Variants in NFAT5 observed in about 807,000 individuals in gnomAD.
NFAT5 encodes the protein nuclear factor of activated T-cells 5.
NFAT5 carries 31 observed loss-of-function variants against 166.5 expected under a neutral mutation model. The observed-to-expected ratio is 0.19, with a 90% CI of 0.14 to 0.25. The LOEUF (loss-of-function observed/expected upper bound fraction) is 0.25. Among genes scored for constraint, NFAT5 ranks in the 10% least tolerant of loss-of-function variants. NFAT5 has a pLI of 1.00. For synonymous variants in NFAT5, 612 were observed against 639.7 expected (o/e 0.96, Z 0.65); for missense variants, 1,449 against 1,821.8 (o/e 0.80, Z 3.72).
chr16:69,615,168 A>G (rs562445447), intron 2 of NFAT5, among the ~76,000 whole-genome samples: 1 of 151,842 alleles, frequency 6.6e-6, no homozygotes, highest in Non-Finnish European at 1.5e-5. Flanking sequence ...CAGCCTCCCA[A>G]GTAGCTGGGA....
chr16:69,638,423 T>G (rs1000020501), intron 3 of NFAT5, among the ~76,000 whole-genome samples: 5 of 151,398 alleles, frequency 3.3e-5, no homozygotes, highest in Middle Eastern at 3.4e-3. Context: ...TATTATTGTT[T>G]AATCATATCT....
intron 14 of NFAT5, among the ~76,000 whole-genome samples, chr16:69,696,139 T>C (rs866513516): frequency 2.0e-5 from 3 of 152,372 alleles, no homozygotes; most frequent in South Asian, 2.1e-4. Flanking sequence ...CTGATGAGTA[T>C]GCAAAATGTG....
chr16:69,620,589 A>G (rs985078001), intron 2 of NFAT5, among the ~76,000 whole-genome samples: 5 of 152,200 alleles, frequency 3.3e-5, no homozygotes, highest in Non-Finnish European at 7.3e-5. Context: ...TGAAAAGGTA[A>G]CTGAGCATGT....
chr16:69,677,880 C>T (rs1336378851), intron 10 of NFAT5, among the ~76,000 whole-genome samples: 1 of 151,954 alleles, frequency 6.6e-6, no homozygotes, highest in Non-Finnish European at 1.5e-5. Context: ...AGGCTGGGTG[C>T]GGTGATGCAC....
intron 11 of NFAT5, among the ~76,000 whole-genome samples, chr16:69,688,059 G>A (rs930139102): frequency 5.3e-5 from 8 of 150,976 alleles, no homozygotes; most frequent in East Asian, 3.9e-4. Flanking sequence ...AGCCGGGCGC[G>A]GTGGCGGGCG....
At position 69,693,097 on chromosome 16, in the gene NFAT5, A is replaced by G. The variant is rs769996676; in HGVS notation, c.3272A>G (p.His1091Arg). Residue 1091 changes from histidine (H) to arginine (R), a missense_variant, in exon 13 of 15, where the codon CAT (histidine) becomes CGT (arginine). Physicochemically the swap from His to Arg is conservative, Grantham distance 29. This residue lies in a region of NFAT5 where 891 missense variants were observed against 993.0 expected (regional missense o/e 0.90). Coordinates refer to ENST00000349945, the MANE Select transcript of NFAT5 (RefSeq NM_138713.4). ...QSSHSQAQLF[H>R]PQNPIADAQN... ...TCTCATTCACAGGCCCAACTTTTTC[A>G]TCCTCAAAATCCTATTGCCGATGCT... The G allele has an allele frequency of 2.5e-6, 4 of 1,614,122 alleles. No individual in the cohort carries two copies. Among genetic ancestry groups the G allele is most frequent in the South Asian group, 1.1e-5 (1 of 91,082 alleles).
At chr16:69,567,117 C>T (rs1015109070) in intron 1 of NFAT5, among the ~76,000 whole-genome samples, 1 of 152,180 alleles carries the variant, frequency 6.6e-6, no homozygotes, top group African/African-American at 2.4e-5. Flanking sequence ...TGGTTTTATT[C>T]CTCTCCTCTC....
rs2033919581 is a variant in NFAT5, at chr16:69,615,867, T to TGG, written c.128-10536_128-10535insGG. ...CCTAATTACCCAACTTGGCCTCTCA[T>TGG]AGCTTGCCTCCTACATGGATGCTCT... On this transcript the variant is annotated intron_variant, in intron 2 of 14. Transcript: ENST00000349945. 1.4e-4 allele frequency among the ~76,000 whole-genome samples: 22 copies of TGG among 152,262 alleles called. No homozygotes were observed. The South Asian group carries it at 4.6e-3, about 32-fold the overall frequency.
Position 69,655,424 on chromosome 16 carries a change from GACTT to G in NFAT5, c.1006-180_1006-177del, listed in dbSNP as rs376045485. Among the ~76,000 whole-genome samples, 564 of 152,080 alleles carry G rather than the reference GACTT, an allele frequency of 3.7e-3. 1 individual carries two copies. Among genetic ancestry groups the G allele is most frequent in the African/African-American group, 0.013 (522 of 41,502 alleles). On this transcript the variant is annotated intron_variant, in intron 5 of 14. Coordinates refer to ENST00000349945, the MANE Select transcript of NFAT5 (RefSeq NM_138713.4). ...ATAGTTATTACAGAATTAAAACTAT[GACTT>G]ACTTCAGGAATTTAGCCAACTCTTT...
chr16:69,573,869 CTTT>C (rs774086026), intron 2 of NFAT5, among the ~76,000 whole-genome samples: 10 of 111,722 alleles, frequency 9.0e-5, no homozygotes, highest in African/African-American at 2.1e-4. Context: ...AAAACAGCCA[CTTT>C]TTTTTTTTTT....
At chr16:69,573,197 G>A (rs1228327489) in intron 2 of NFAT5, among the ~76,000 whole-genome samples, 3 of 152,014 alleles carry the variant, frequency 2.0e-5, no homozygotes, top group Non-Finnish European at 2.9e-5. Context: ...AAGAAAATGT[G>A]AAATATGACA....
intron 4 of NFAT5, among the ~76,000 whole-genome samples, chr16:69,650,052 A>G (rs2035602381): frequency 6.6e-6 from 1 of 151,982 alleles, no homozygotes; most frequent in African/African-American, 2.4e-5. Flanking sequence ...CAGTTGCCCC[A>G]TGTCTCTTCT....
intron 7 of NFAT5, among the ~76,000 whole-genome samples, chr16:69,662,356 G>T (rs1008758721): frequency 1.3e-5 from 2 of 151,938 alleles, no homozygotes; most frequent in Non-Finnish European, 2.9e-5. Context: ...GATTCTTTTG[G>T]GGGAAATAAA....
At chr16:69,612,629 TG>T (rs1345656843) in intron 2 of NFAT5, among the ~76,000 whole-genome samples, 1 of 152,028 alleles carries the variant, frequency 6.6e-6, no homozygotes, top group Non-Finnish European at 1.5e-5. Context: ...GAGGACCACT[TG>T]AGCCCAAGAA....
intron 2 of NFAT5, among the ~76,000 whole-genome samples, chr16:69,600,143 T>C (rs1783163864): frequency 7.1e-6 from 1 of 140,094 alleles, no homozygotes; most frequent in Non-Finnish European, 1.5e-5. Flanking sequence ...AGGATTCATT[T>C]CTCTGGGAAA....
At chr16:69,681,724 TG>T (rs2037065604) in intron 10 of NFAT5, among the ~76,000 whole-genome samples, 1 of 150,392 alleles carries the variant, frequency 6.6e-6, no homozygotes, top group African/African-American at 2.5e-5. Flanking sequence ...GAGACCATCC[TG>T]GCTAACACAG....
chr16:69,589,249 C>T (rs1400208202), intron 2 of NFAT5, among the ~76,000 whole-genome samples: 2 of 152,148 alleles, frequency 1.3e-5, no homozygotes, highest in East Asian at 3.8e-4. Context: ...CCACTGCAGC[C>T]TCCCAAAGTG....
At chr16:69,685,190 A>ATATTT (rs1383702612) in intron 11 of NFAT5, 1 of 114,084 alleles carries the variant, frequency 8.8e-6, no homozygotes, top group African/African-American at 3.7e-5. Context: ...ATATATATAT[A>ATATTT]TTTTTTTTTT....
At chr16:69,661,082 CTTT>C (rs765529666) in intron 7 of NFAT5, among the ~76,000 whole-genome samples, 20 of 127,140 alleles carry the variant, frequency 1.6e-4, no homozygotes, top group African/African-American at 5.1e-4. Flanking sequence ...CCCCACCACC[CTTT>C]TTTTTTTTTT....
Sources: allele counts gnomAD v4.1 joint callset (sites outside exome capture counted in the v4.1 genomes callset), GRCh38; gene constraint gnomAD v4.1.1; regional missense constraint gnomAD v4.1.1; transcripts MANE v1.5; gene names NCBI Gene and HGNC (gene_info 2026-07-23, HGNC 2026-07-21).